Variants in NSUN7 observed in about 807,000 individuals in gnomAD.
NSUN7 encodes protein NSUN7.
A neutral mutation model predicts 58.5 loss-of-function variants in NSUN7; 39 were observed. The observed-to-expected ratio is 0.67, with a 90% CI of 0.52 to 0.87. The LOEUF is 0.87. NSUN7 is among the 40% of genes least tolerant of loss of function. The probability of loss-of-function intolerance (pLI) is 0.00; values close to 1 mark genes in which losing one functional copy is unlikely to be tolerated. For missense variants in NSUN7, 765 were observed against 844.1 expected, an observed-to-expected ratio of 0.91 and a Z score of 1.16; for synonymous variants, 278 against 303.7, an observed-to-expected ratio of 0.92 and a Z score of 0.88.
intron 8 of NSUN7, 127 bp downstream of exon 8, chr4:40,790,872 C>A: frequency 1.4e-6 from 1 of 704,506 alleles, no homozygotes; most frequent in South Asian, 2.2e-5. Context: ...ATATAAAGTA[C>A]TTACTATGTA....
In NSUN7 at chr4:40,761,309, T is replaced by A; in HGVS notation, c.488+8T>A. On this transcript the variant is annotated splice_region_variant and intron_variant, in intron 4 of 11. Transcript: ENST00000381782. ...AGAGAACCTTCTTAACAGGTAATCG[T>A]AAAAGTGAAAAGAATGTTTTATATG... 6.3e-7 allele frequency: 1 copy of A among 1,598,240 alleles called. No individual in the cohort carries two copies. Among genetic ancestry groups the A allele is most frequent in the Non-Finnish European group, 8.5e-7 (1 of 1,173,094 alleles).
At position 40,810,494 on chromosome 4, in the gene NSUN7, CTT is replaced by C. The variant is rs60782852; in HGVS notation, c.*1556_*1557del. On this transcript the variant is annotated 3_prime_UTR_variant, in exon 12 of 12. Coordinates refer to ENST00000381782, the MANE Select transcript of NSUN7 (RefSeq NM_024677.6). Reference sequence around the variant, plus strand: ...TTAGGAGGCTGAGGTACGAGGATCTCTTGAGTCCAGGAGGTGCAGGTTGCAGT... The same window carrying C: ...TTAGGAGGCTGAGGTACGAGGATCTCGAGTCCAGGAGGTGCAGGTTGCAGT... The C allele has an allele frequency of 0.017, 2,415 of 144,460 alleles. 66 individuals are homozygous for C. Among genetic ancestry groups the C allele is most frequent in the African/African-American group, 0.059 (2,307 of 39,110 alleles). The allele number at this position is 144,460 out of a possible 1,614,324, so 8.9% of individuals were successfully genotyped here.
chr4:40,767,962 C>G lies in NSUN7; in HGVS notation c.489-6303C>G, dbSNP rs186334846. On this transcript the variant is annotated intron_variant, in intron 4 of 11. Coordinates refer to ENST00000381782, the MANE Select transcript of NSUN7 (RefSeq NM_024677.6). ...GAGACTAACTTATTATCTTACCTCC[C>G]ATTTCTAAATTCCTGTGAGAGGAAA... 8.8e-4 allele frequency among the ~76,000 whole-genome samples: 134 copies of G among 152,258 alleles called. 1 individual carries two copies. The highest frequency in any genetic ancestry group is 3.2e-3 in the African/African-American group (131 of 41,558).
Position 40,774,845 on chromosome 4 carries a change from C to A in NSUN7, c.720C>A (p.Val240=). The A allele has an allele frequency of 1.3e-6, 2 of 1,532,664 alleles. No individual in the cohort carries two copies. The highest frequency in any genetic ancestry group is 2.3e-5 in the South Asian group (2 of 88,668). 94.9% of individuals were successfully genotyped at this position (1,532,664 alleles called of 1,614,324 possible). A position where few individuals can be genotyped will look rare whatever the true frequency, so the allele number is the denominator to read the frequency against. The change falls in exon 6 of 12, where the codon GTC becomes GTA. Residue 240 remains valine (V), a synonymous_variant. Transcript: ENST00000381782. ...VKSVLHIDDK[V]FAVDQHCYDV... is the part of the protein sequence containing the mutation. ...CTGTATTGCATATTGATGATAAAGT[C>A]TTTGCTGTGGATCAACATTGCTATG...
At position 40,811,161 on chromosome 4, in the gene NSUN7, G is replaced by A. The variant is rs1744319152; in HGVS notation, c.*2222G>A. On this transcript the variant is annotated 3_prime_UTR_variant, in exon 12 of 12. Coordinates refer to ENST00000381782, the MANE Select transcript of NSUN7 (RefSeq NM_024677.6). ...CTCTTTAGAAGTATATGAAGATTCTGAATTAAACCATTCATTAATTACACT... is the reference window on the plus strand; with the variant it reads ...CTCTTTAGAAGTATATGAAGATTCTAAATTAAACCATTCATTAATTACACT... 1 of 152,154 alleles carries A rather than the reference G, an allele frequency of 6.6e-6. No individual in the cohort carries two copies. The highest frequency in any genetic ancestry group is 2.4e-5 in the African/African-American group (1 of 41,422). 9.4% of individuals were successfully genotyped at this position (152,154 alleles called of 1,614,324 possible).
rs376288584 is a variant in NSUN7 at position 40,750,513 on chromosome 4, C to A, written c.-91-90C>A. 8.4e-5 allele frequency: 54 copies of A among 639,258 alleles called. No individual in the cohort carries two copies. The East Asian group carries it at 1.3e-3, about 15-fold the overall frequency. 39.6% of individuals were successfully genotyped at this position (639,258 alleles called of 1,614,324 possible). On this transcript the variant is annotated intron_variant, in intron 1 of 11. Transcript: ENST00000381782. The stretch of plus-strand genomic sequence containing the variant: ...ACTCAGATGGGACGGGAAATGCTCC[C>A]TCTTAGTCTTTAAGGCCACAACGAA...
At chr4:40,764,587 A>G (rs1560548102) in intron 4 of NSUN7, among the ~76,000 whole-genome samples, 1 of 152,166 alleles carries the variant, frequency 6.6e-6, no homozygotes, top group South Asian at 2.1e-4. Context: ...TCCTTTGGGT[A>G]TATACCCAGT....
At position 40,809,389 on chromosome 4, in the gene NSUN7, C is replaced by T. The variant is rs115281066; in HGVS notation, c.*450C>T. The T allele has an allele frequency of 2.2e-3, 339 of 153,866 alleles. 1 individual carries two copies. Among genetic ancestry groups the T allele is most frequent in the East Asian group, 0.017 (87 of 5,218 alleles). The allele number at this position is 153,866 out of a possible 1,614,324, so 9.5% of individuals were successfully genotyped here. ...GTTGTAGTCGTGACTTTCTCAGTCA[C>T]GATCAAGGGTGATTTTTTCTTAAAT... On this transcript the variant is annotated 3_prime_UTR_variant, in exon 12 of 12. Transcript: ENST00000381782.
In NSUN7 at chr4:40,808,945, TTG is replaced by T. The variant is rs1200023863; in HGVS notation, c.*10_*11del. The T allele has an allele frequency of 9.3e-6, 14 of 1,505,696 alleles. No individual in the cohort carries two copies. The highest frequency in any genetic ancestry group is 2.2e-5 in the Admixed American group (1 of 45,012). 93.3% of individuals were successfully genotyped at this position (1,505,696 alleles called of 1,614,324 possible). The stretch of plus-strand genomic sequence containing the variant: ...CTCCTCGGCGATGGCTTTGATTGTC[TTG>T]TGTTTTTTATAGGGGCCAAAGAGCA... On this transcript the variant is annotated 3_prime_UTR_variant, in exon 12 of 12. Transcript: ENST00000381782.
chr4:40,759,006 A>G (rs1741308879), intron 2 of NSUN7, among the ~76,000 whole-genome samples: 1 of 152,094 alleles, frequency 6.6e-6, no homozygotes, highest in Non-Finnish European at 1.5e-5. Context: ...TTTCTGTTCA[A>G]CTGATTAAAG....
chr4:40,799,073 C>CTTTTTG (rs1553919775), intron 10 of NSUN7, among the ~76,000 whole-genome samples, 169 bp downstream of exon 10: 14,013 of 76,570 alleles, frequency 0.18, 3,487 homozygotes, highest in Admixed American at 0.3. Flanking sequence ...GGGCCTTTTT[C>CTTTTTG]TTTTTTTTTT....
At chr4:40,770,386 C>T (rs1741942034) in intron 4 of NSUN7, among the ~76,000 whole-genome samples, 1 of 152,064 alleles carries the variant, frequency 6.6e-6, no homozygotes. Context: ...ACCTAGTGCT[C>T]CTAGGCTACA....
At chr4:40,787,762 C>G (rs1742897488) in intron 7 of NSUN7, among the ~76,000 whole-genome samples, 2 of 152,184 alleles carry the variant, frequency 1.3e-5, no homozygotes, top group Non-Finnish European at 2.9e-5. Flanking sequence ...AAATAATACT[C>G]TTTCAGAGAA....
Position 40,775,140 on chromosome 4 carries a change from C to A in NSUN7, c.825+190C>A. The A allele has an allele frequency of 3.3e-6, 1 of 303,556 alleles. No homozygotes were observed. Among genetic ancestry groups the A allele is most frequent in the Non-Finnish European group, 6.0e-6 (1 of 165,720 alleles). 18.8% of individuals were successfully genotyped at this position (303,556 alleles called of 1,614,324 possible). A position where few individuals can be genotyped will look rare whatever the true frequency, so the allele number is the denominator to read the frequency against. ...GTGCATCTGGTTGGCGTCTTTGTCT[C>A]ATGTGAATTTATAAAGAACATATTC... is the stretch of plus-strand genomic sequence containing the variant. On this transcript the variant is annotated intron_variant, in intron 6 of 11. Transcript: ENST00000381782. This position sits in a 1 kb window ranked among gnomAD's most constrained non-coding sequence, Gnocchi z 4.3.
At chr4:40,798,492 C>T (rs531829008) in intron 9 of NSUN7, among the ~76,000 whole-genome samples, 10 of 152,300 alleles carry the variant, frequency 6.6e-5, no homozygotes, top group African/African-American at 2.2e-4. Flanking sequence ...GCAGAAGTAT[C>T]AAGTTCATGG....
chr4:40,762,050 A>G (rs770142865), intron 4 of NSUN7, among the ~76,000 whole-genome samples: 1 of 152,286 alleles, frequency 6.6e-6, no homozygotes, highest in South Asian at 2.1e-4. Context: ...GATTAATGCT[A>G]TTATAAAAAG....
At chr4:40,778,859 A>G (rs902528349) in intron 7 of NSUN7, among the ~76,000 whole-genome samples, 1 of 152,222 alleles carries the variant, frequency 6.6e-6, no homozygotes, top group Non-Finnish European at 1.5e-5. Flanking sequence ...TAAAACCAGA[A>G]CCATTAAACA....
Position 40,808,628 on chromosome 4 carries a change from C to T in NSUN7, c.1846C>T (p.Pro616Ser). ...PNKLAPHPAVPAFVKNTCPSR... is the reference protein window; with the variant it reads ...PNKLAPHPAVSAFVKNTCPSR... Reference sequence around the variant, plus strand: ...CAAGCTGGCCCCCCATCCTGCAGTGCCTGCATTTGTGAAGAACACTTGTCC... The same window carrying T: ...CAAGCTGGCCCCCCATCCTGCAGTGTCTGCATTTGTGAAGAACACTTGTCC... Residue 616 changes from proline (P) to serine (S), a missense_variant, in exon 12 of 12, where the codon CCT (proline) becomes TCT (serine). Pro to Ser is a moderately conservative substitution (Grantham distance 74). Coordinates refer to ENST00000381782, the MANE Select transcript of NSUN7 (RefSeq NM_024677.6). The T allele has an allele frequency of 6.4e-7, 1 of 1,551,824 alleles. No homozygotes were observed. Among genetic ancestry groups the T allele is most frequent in the Non-Finnish European group, 8.7e-7 (1 of 1,147,024 alleles).
At chr4:40,761,106 A>ATGGAG in intron 3 of NSUN7, 65 bp from the exon 4 acceptor site, 1 of 1,267,380 alleles carries the variant, frequency 7.9e-7, no homozygotes, top group Non-Finnish European at 1.1e-6. Context: ...ATGGAATGGA[A>ATGGAG]TGGAAAATAT....
Sources: gnomAD v4.1 joint callset for allele counts (sites outside exome capture counted in the v4.1 genomes callset) on GRCh38, gnomAD v4.1.1 for gene constraint, Gnocchi (gnomAD v3.1) non-coding constraint, MANE v1.5 for transcripts, NCBI Gene and HGNC (gene_info 2026-07-23, HGNC 2026-07-21) for gene names.